Variants in ASIP observed in about 807,000 individuals in gnomAD.
The protein encoded by ASIP is agouti-signaling protein.
ASIP carries 11 observed loss-of-function variants against 10.3 expected under a neutral mutation model. The ratio of observed to expected loss-of-function variants is 1.07; its 90% confidence interval spans 0.68 to 1.78. ASIP has a LOEUF of 1.78. Ranked by LOEUF, ASIP falls within the 40% of genes most tolerant of loss-of-function variation. The pLI, the probability that ASIP is intolerant of heterozygous loss-of-function variation, is 0.00. For missense variants in ASIP, 180 were observed against 169.2 expected (o/e 1.06, Z -0.35); for synonymous variants, 70 against 70.8 (o/e 0.99, Z 0.06).
Position 34,258,581 on chromosome 20 carries a change from G to A in ASIP, c.-10-1784G>A, listed in dbSNP as rs1346827826. Among the ~76,000 whole-genome samples, 26 of 140,310 alleles carry A rather than the reference G, an allele frequency of 1.9e-4. No individual in the cohort carries two copies. The Admixed American group carries it at 2.0e-3, about 11-fold the overall frequency. 92.0% of individuals were successfully genotyped at this position (140,310 alleles called of 152,430 possible). ...GACCAGGAAGTAGCCAAGCTTGGATGGAATTTATTACTTCCTGTGAGAAAA... is the reference window on the plus strand; with the variant it reads ...GACCAGGAAGTAGCCAAGCTTGGATAGAATTTATTACTTCCTGTGAGAAAA... On this transcript the variant is annotated intron_variant, in intron 1 of 3. Coordinates refer to ENST00000374954, the MANE Select transcript of ASIP (RefSeq NM_001672.3).
intron 1 of ASIP, among the ~76,000 whole-genome samples, chr20:34,202,434 T>G (rs1374613557): frequency 2.0e-5 from 3 of 152,252 alleles, no homozygotes; most frequent in Non-Finnish European, 2.9e-5. Context: ...TAAATTTTAT[T>G]TACTTTTAAA....
At chr20:34,247,446 A>G (rs998534644) in intron 1 of ASIP, among the ~76,000 whole-genome samples, 1 of 150,904 alleles carries the variant, frequency 6.6e-6, no homozygotes, top group East Asian at 2.0e-4. Context: ...GATTACAGGC[A>G]CATGCCACCA....
At chr20:34,190,115 A>G (rs1213804949), upstream of ASIP, among the ~76,000 whole-genome samples, 4 of 152,182 alleles carry the variant, frequency 2.6e-5, no homozygotes, top group East Asian at 7.7e-4. Flanking sequence ...CTTAGGAGTC[A>G]TTCCGTGTGA....
In ASIP at chr20:34,264,317, G is replaced by A. The variant is rs78114175; in HGVS notation, c.222+1424G>A. On this transcript the variant is annotated intron_variant, in intron 3 of 3. Transcript: ENST00000374954. ...TGAAGATACCTCCTGTTGCCATTGCGGCATGCTCAGGTGTTGCGAGTACGT... is the reference window on the plus strand; with the variant it reads ...TGAAGATACCTCCTGTTGCCATTGCAGCATGCTCAGGTGTTGCGAGTACGT... Among the ~76,000 whole-genome samples, 1,324 of 152,248 alleles carry A rather than the reference G, an allele frequency of 8.7e-3. 22 individuals carry two copies. Among genetic ancestry groups the A allele is most frequent in the African/African-American group, 0.03 (1,257 of 41,542 alleles).
intron 1 of ASIP, among the ~76,000 whole-genome samples, chr20:34,220,525 G>T (rs971110988): frequency 2.6e-5 from 4 of 151,896 alleles, no homozygotes; most frequent in African/African-American, 7.3e-5. Flanking sequence ...AACCCAGGAG[G>T]CAGAGGTTGC....
chr20:34,206,736 G>A lies in ASIP; in HGVS notation c.-11+11976G>A, dbSNP rs529715621. On this transcript the variant is annotated intron_variant, in intron 1 of 3. Coordinates refer to the ASIP transcript ENST00000568305. ...TGGGACTACAGGTGCAAGCCACCAC[G>A]CCTGGCTAATTTTTGTATCTTTAGT... Among the ~76,000 whole-genome samples the A allele has an allele frequency of 3.9e-5, 6 of 152,206 alleles. No homozygotes were observed. The East Asian group carries it at 5.8e-4, about 15-fold the overall frequency.
At chr20:34,262,043 G>A (rs973120487) in intron 2 of ASIP, among the ~76,000 whole-genome samples, 5 of 151,920 alleles carry the variant, frequency 3.3e-5, no homozygotes, top group African/African-American at 1.2e-4. Flanking sequence ...AACCCAGGAG[G>A]CAGAAGTCAC....
chr20:34,192,004 T>A (rs1238482732), upstream of ASIP, among the ~76,000 whole-genome samples: 1 of 152,206 alleles, frequency 6.6e-6, no homozygotes, highest in Non-Finnish European at 1.5e-5. Flanking sequence ...GTGTTGGGAT[T>A]ACAGGCGTGA....
At position 34,260,404 on chromosome 20, in the gene ASIP, CCTG is replaced by C. The variant is rs1273211886; in HGVS notation, c.34_36del (p.Leu12del). 6.2e-7 allele frequency: 1 copy of C among 1,614,030 alleles called. No homozygotes were observed. Among genetic ancestry groups the C allele is most frequent in the African/African-American group, 1.3e-5 (1 of 75,046 alleles). On this transcript the variant is annotated inframe_deletion, in exon 2 of 4. Coordinates refer to ENST00000374954, the MANE Select transcript of ASIP (RefSeq NM_001672.3). ...ATGTCACCCGCTTACTCCTGGCCAC[CCTG>C]CTGGTCTTCCTCTGCTTCTTCACTG... is the stretch of plus-strand genomic sequence containing the variant.
At chr20:34,251,916 A>C (rs2035483210) in intron 1 of ASIP, among the ~76,000 whole-genome samples, 1 of 152,198 alleles carries the variant, frequency 6.6e-6, no homozygotes, top group Non-Finnish European at 1.5e-5. Context: ...AGCCTCCAGA[A>C]CCATGAGAAA....
intron 1 of ASIP, among the ~76,000 whole-genome samples, chr20:34,220,198 A>G (rs866934113): frequency 6.6e-6 from 1 of 152,354 alleles, no homozygotes. Flanking sequence ...AAAGGAACAG[A>G]TAATAAAAAG....
the ASIP span, among the ~76,000 whole-genome samples, chr20:34,189,493 C>T: frequency 1.3e-5 from 2 of 152,196 alleles, no homozygotes; most frequent in South Asian, 4.1e-4. Context: ...CCGCCCACCT[C>T]GGCCACCCAA....
intron 1 of ASIP, among the ~76,000 whole-genome samples, chr20:34,234,453 G>A (rs919804887): frequency 6.6e-6 from 1 of 152,142 alleles, no homozygotes; most frequent in Admixed American, 6.6e-5. Flanking sequence ...TCCAGTGGGC[G>A]CTATCAGCTT....
intron 1 of ASIP, among the ~76,000 whole-genome samples, chr20:34,206,831 C>G (rs768287982): frequency 3.9e-5 from 6 of 152,180 alleles, no homozygotes; most frequent in Non-Finnish European, 7.3e-5. Context: ...CCACCTGCCT[C>G]GACCTCACAA....
At position 34,235,809 on chromosome 20, in the gene ASIP, G is replaced by GAA. The variant is rs1366680258; in HGVS notation, c.-10-24554_-10-24553dup. Reference sequence around the variant, plus strand: ...AAGAAGAAAGAAAGAAAGAAAGAAAGAAAGAAAGAAAGAAAGAAAGAAAGA... The same window carrying GAA: ...AAGAAGAAAGAAAGAAAGAAAGAAAGAAAAAGAAAGAAAGAAAGAAAGAAAGA... On this transcript the variant is annotated intron_variant, in intron 1 of 3. Coordinates refer to the ASIP transcript ENST00000568305. Among the ~76,000 whole-genome samples the GAA allele has an allele frequency of 2.2e-4, 12 of 55,238 alleles. No homozygotes were observed. In the African/African-American group the frequency reaches 2.2e-3, roughly 10 times the overall value. The allele number at this position is 55,238 out of a possible 152,430, so 36.2% of individuals were successfully genotyped here.
upstream of ASIP, among the ~76,000 whole-genome samples, chr20:34,238,441 C>G (rs908967180): frequency 2.0e-5 from 3 of 152,096 alleles, no homozygotes; most frequent in African/African-American, 7.2e-5. Context: ...CTTTGAATCC[C>G]TCTAGTGCAT....
intron 1 of ASIP, among the ~76,000 whole-genome samples, chr20:34,235,895 AAGGAAAGGAAGGAAGG>A (rs1314635537): frequency 1.2e-5 from 1 of 80,682 alleles, no homozygotes; most frequent in Non-Finnish European, 2.1e-5. Context: ...GGAAGGAAGG[AAGGAAAGGAAGGAAGG>A]AAGGAAGGAA....
intron 1 of ASIP, chr20:34,246,018 G>T: frequency 9.8e-7 from 1 of 1,020,260 alleles, no homozygotes; most frequent in South Asian, 1.3e-5. Context: ...TTTTCTGAAT[G>T]ACATGAATTA....
chr20:34,235,591 C>T (rs1368451072), intron 1 of ASIP, among the ~76,000 whole-genome samples: 1 of 151,946 alleles, frequency 6.6e-6, no homozygotes, highest in Non-Finnish European at 1.5e-5. Flanking sequence ...CGATAACAAT[C>T]ATGGCCAAAA....
Sources: gnomAD v4.1 joint callset for allele counts (sites outside exome capture counted in the v4.1 genomes callset) on GRCh38, gnomAD v4.1.1 for gene constraint, MANE v1.5 for transcripts, NCBI Gene and HGNC (gene_info 2026-07-23, HGNC 2026-07-21) for gene names.